Variants in SFI1 observed in about 807,000 individuals in gnomAD.
SFI1 encodes the protein protein SFI1 homolog.
Under a neutral mutation model 207.5 loss-of-function variants are expected in SFI1, and 195 were observed. The observed-to-expected ratio is 0.94, with a 90% confidence interval of 0.84 to 1.06. SFI1 has a LOEUF of 1.06. Ranked by LOEUF, SFI1 falls within the 50% of genes least tolerant of loss-of-function variation. The pLI is 0.00. For missense variants in SFI1, 1,634 were observed against 1,588.0 expected (o/e 1.03, Z -0.49); for synonymous variants, 630 against 598.9 (o/e 1.05, Z -0.76).
intron 2 of SFI1, among the ~76,000 whole-genome samples, chr22:31,524,478 A>T (rs1200410445): frequency 2.6e-5 from 4 of 151,428 alleles, no homozygotes; most frequent in Non-Finnish European, 5.9e-5. Context: ...GCTGGAGTAC[A>T]GTGGTGGGAT....
At chr22:31,567,215 G>A (rs1418159768) in intron 8 of SFI1, among the ~76,000 whole-genome samples, 2 of 152,222 alleles carry the variant, frequency 1.3e-5, no homozygotes, top group Middle Eastern at 3.4e-3. Context: ...AAGCCTATTA[G>A]GATTTTTATT....
chr22:31,508,194 A>G, intron 1 of SFI1, 61 bp from the exon 2 acceptor site: 1 of 937,202 alleles, frequency 1.1e-6, no homozygotes, highest in Non-Finnish European at 1.7e-6. Context: ...ATAGTTCAGA[A>G]ATGTGGCTCC....
intron 20 of SFI1, 199 bp from the exon 21 acceptor site, chr22:31,606,129 G>A (rs1241241675): frequency 1.7e-6 from 1 of 583,972 alleles, no homozygotes; most frequent in Non-Finnish European, 3.1e-6. Flanking sequence ...CACTCTTGGT[G>A]CCCAGCCCAG....
chr22:31,545,477 C>A (rs1485463329), intron 4 of SFI1, among the ~76,000 whole-genome samples: 2 of 152,024 alleles, frequency 1.3e-5, no homozygotes, highest in African/African-American at 4.8e-5. Context: ...GGTTTGAGAA[C>A]AGCTTGGGTA....
chr22:31,571,470 G>C (rs915082452), intron 8 of SFI1, among the ~76,000 whole-genome samples: 1 of 150,928 alleles, frequency 6.6e-6, no homozygotes, highest in African/African-American at 2.4e-5. Flanking sequence ...ACACCACCAT[G>C]CCTGGCTAAT....
chr22:31,501,831 C>A (rs970175510), intron 1 of SFI1, among the ~76,000 whole-genome samples: 4 of 152,202 alleles, frequency 2.6e-5, no homozygotes, highest in Non-Finnish European at 5.9e-5. Flanking sequence ...GGTCCACTGT[C>A]TGTCTGTAGT....
chr22:31,605,347 T>C, intron 20 of SFI1: 1 of 160,484 alleles, frequency 6.2e-6, no homozygotes, highest in Non-Finnish European at 1.4e-5. Flanking sequence ...GGCCTGTCAC[T>C]GACTCTCCAG....
chr22:31,535,208 CAT>C (rs1716141195), intron 4 of SFI1, among the ~76,000 whole-genome samples: 1 of 115,628 alleles, frequency 8.6e-6, no homozygotes, highest in Admixed American at 1.0e-4. Context: ...TTTTTTGAGA[CAT>C]AGTGTTGCTT....
At chr22:31,537,572 G>A (rs1005889206) in intron 4 of SFI1, among the ~76,000 whole-genome samples, 13 of 152,250 alleles carry the variant, frequency 8.5e-5, no homozygotes, top group African/African-American at 3.1e-4. Context: ...CCTGAGCTTC[G>A]GTTCTAACCC....
Position 31,515,122 on chromosome 22 carries a change from G to A in SFI1, c.92+6746G>A, listed in dbSNP as rs140968983. The stretch of plus-strand genomic sequence containing the variant: ...AGTGATGGTTATGCTGTTGGCTTTG[G>A]TATCACACTTTGATAACCACTGTTC... On this transcript the variant is annotated intron_variant, in intron 2 of 32. Coordinates refer to ENST00000400288, the MANE Select transcript of SFI1 (RefSeq NM_001007467.3). 5.3e-3 allele frequency among the ~76,000 whole-genome samples: 802 copies of A among 151,820 alleles called. 6 individuals carry two copies. The highest frequency in any genetic ancestry group is 9.8e-3 in the Non-Finnish European group (669 of 68,002).
At chr22:31,511,975 C>A (rs1302337664) in intron 2 of SFI1, among the ~76,000 whole-genome samples, 1 of 152,062 alleles carries the variant, frequency 6.6e-6, no homozygotes, top group African/African-American at 2.4e-5. Flanking sequence ...TTTGCAGATT[C>A]AGAAAGGTAT....
intron 4 of SFI1, among the ~76,000 whole-genome samples, chr22:31,537,161 C>T (rs1779310715): frequency 6.6e-6 from 1 of 152,176 alleles, no homozygotes; most frequent in African/African-American, 2.4e-5. Context: ...ATCCTTAGCA[C>T]ATTGGCCCTT....
At chr22:31,612,005 C>T (rs964357630) in intron 24 of SFI1, 165 bp downstream of exon 24, 3 of 1,420,194 alleles carry the variant, frequency 2.1e-6, no homozygotes, top group Non-Finnish European at 2.8e-6. Flanking sequence ...CCAGGCACAT[C>T]AGCTTCCTTC....
At chr22:31,598,030 T>C (rs906588726) in intron 15 of SFI1, among the ~76,000 whole-genome samples, 2 of 151,208 alleles carry the variant, frequency 1.3e-5, no homozygotes, top group Non-Finnish European at 2.9e-5. Context: ...CAGGCTGGAG[T>C]GCAGTGGCGT....
rs1408787769 is a variant in SFI1 at position 31,594,012 on chromosome 22, G to GAGGGAC, written c.1544+4440_1544+4441insCAGGGA. Among the ~76,000 whole-genome samples, 84 of 37,890 alleles carry GAGGGAC rather than the reference G, an allele frequency of 2.2e-3. 2 individuals carry two copies. The highest frequency in any genetic ancestry group is 4.9e-3 in the African/African-American group (74 of 15,184). The allele number at this position is 37,890 out of a possible 152,430, so 24.9% of individuals were successfully genotyped here. A position where few individuals can be genotyped will look rare whatever the true frequency, so the allele number is the denominator to read the frequency against. ...CGAGGGAGAGGGAGAGGGACAGGGA[G>GAGGGAC]AGGGAGAGGGAGAGGGAGGTGTCCA... On this transcript the variant is annotated intron_variant, in intron 15 of 32. Coordinates refer to ENST00000400288, the MANE Select transcript of SFI1 (RefSeq NM_001007467.3).
chr22:31,587,210 A>G (rs749698269), intron 14 of SFI1: 7 of 188,694 alleles, frequency 3.7e-5, no homozygotes, highest in Non-Finnish European at 6.0e-5. Context: ...CATAACAACT[A>G]TGTACATAGC....
rs769487853 is a variant in SFI1, at chr22:31,615,212, C to CAGG, written c.3234_3236dup (p.Gly1079dup). 62 of 1,574,094 alleles carry CAGG rather than the reference C, an allele frequency of 3.9e-5. No individual in the cohort carries two copies. Among genetic ancestry groups the CAGG allele is most frequent in the Non-Finnish European group, 5.2e-5 (61 of 1,164,994 alleles). On this transcript the variant is annotated inframe_insertion, in exon 29 of 33. Transcript: ENST00000400288. Reference sequence around the variant, plus strand: ...CCGAAGCAGCCCCCGACGGCAAGCACAGGCCCGGAGCTGCTGCTGCTGCCT... The same window carrying CAGG: ...CCGAAGCAGCCCCCGACGGCAAGCACAGGAGGCCCGGAGCTGCTGCTGCTGCCT...
At chr22:31,557,647 TTGTAA>T (rs2148182187) in intron 7 of SFI1, among the ~76,000 whole-genome samples, 2 of 152,356 alleles carry the variant, frequency 1.3e-5, no homozygotes, top group African/African-American at 4.8e-5. Flanking sequence ...TGTGTTAATT[TTGTAA>T]TGTAAAGTAT....
chr22:31,512,083 T>C (rs1210521938), intron 2 of SFI1, among the ~76,000 whole-genome samples: 1 of 152,154 alleles, frequency 6.6e-6, no homozygotes, highest in East Asian at 1.9e-4. Context: ...GGCTCACGCC[T>C]GTAATCCCAG....
Sources: gnomAD v4.1 joint callset for allele counts (sites outside exome capture counted in the v4.1 genomes callset) on GRCh38, gnomAD v4.1.1 for gene constraint, MANE v1.5 for transcripts, NCBI Gene and HGNC (gene_info 2026-07-23, HGNC 2026-07-21) for gene names.